The following GRM7 variants were observed in gnomAD, a reference collection of about 807,000 sequenced individuals.
The protein encoded by GRM7 is metabotropic glutamate receptor 7.
Under a neutral mutation model 84.5 loss-of-function variants are expected in GRM7, and 35 were observed. The observed-to-expected ratio is 0.41, with a 90% CI of 0.32 to 0.55. GRM7 has a LOEUF of 0.55. Ranked by LOEUF, GRM7 falls within the 20% of genes least tolerant of loss-of-function variation. GRM7 has a pLI of 0.19. For missense variants in GRM7, 1,003 were observed against 1,194.6 expected, an observed-to-expected ratio of 0.84 and a Z score of 2.36; for synonymous variants, 487 against 455.1, an observed-to-expected ratio of 1.07 and a Z score of -0.89.
At chr3:7,201,045 C>T (rs1326490330) in intron 2 of GRM7, among the ~76,000 whole-genome samples, 1 of 147,982 alleles carries the variant, frequency 6.8e-6, no homozygotes, top group Non-Finnish European at 1.5e-5. Flanking sequence ...TCTCGGCTCA[C>T]TGCAAACTCT....
chr3:7,065,408 A>T (rs1028969161), intron 1 of GRM7, among the ~76,000 whole-genome samples: 3 of 151,790 alleles, frequency 2.0e-5, no homozygotes, highest in Non-Finnish European at 4.4e-5. Flanking sequence ...TCCTGCATGT[A>T]GCTAGCCAAT....
chr3:6,938,508 T>C (rs944603935), intron 1 of GRM7, among the ~76,000 whole-genome samples: 1 of 152,168 alleles, frequency 6.6e-6, no homozygotes, highest in Non-Finnish European at 1.5e-5. Context: ...TTGAGCACCA[T>C]TAACGTGCAA....
chr3:7,323,534 G>A (rs1700866671), intron 4 of GRM7, among the ~76,000 whole-genome samples: 1 of 152,046 alleles, frequency 6.6e-6, no homozygotes, highest in South Asian at 2.1e-4. Context: ...CAATATAGTG[G>A]TTTCATCTGA....
intron 9 of GRM7, among the ~76,000 whole-genome samples, chr3:7,688,614 A>T (rs1700675456): frequency 6.6e-6 from 1 of 152,204 alleles, no homozygotes; most frequent in Non-Finnish European, 1.5e-5. Flanking sequence ...CAGTAATGGG[A>T]CTAGTAAACT....
chr3:7,437,613 T>A (rs1382913683), intron 5 of GRM7, among the ~76,000 whole-genome samples: 5 of 152,186 alleles, frequency 3.3e-5, no homozygotes, highest in African/African-American at 4.8e-5. Context: ...ATTTCTTTTT[T>A]TCTAAAATTG....
At chr3:7,085,547 A>T (rs749225036) in intron 1 of GRM7, among the ~76,000 whole-genome samples, 1 of 152,130 alleles carries the variant, frequency 6.6e-6, no homozygotes, top group Non-Finnish European at 1.5e-5. Context: ...ATATTGGCAA[A>T]CTAAGAAGGA....
chr3:7,330,226 C>G lies in GRM7; in HGVS notation c.1033+23574C>G, dbSNP rs189142153. ...TTAAGGCATCATCTTGATATGTTAG[C>G]AGCACAGACATGTTCAAGATATACT... On this transcript the variant is annotated intron_variant, in intron 4 of 9. Transcript: ENST00000357716. Among the ~76,000 whole-genome samples the G allele has an allele frequency of 3.3e-5, 5 of 152,198 alleles. No individual in the cohort carries two copies. The East Asian group carries it at 9.7e-4, about 29-fold the overall frequency.
intron 2 of GRM7, among the ~76,000 whole-genome samples, chr3:7,271,426 G>A (rs1698851336): frequency 6.6e-6 from 1 of 151,894 alleles, no homozygotes; most frequent in Non-Finnish European, 1.5e-5. Flanking sequence ...GGGCGTGGTG[G>A]CGGGCGCCTG....
intron 1 of GRM7, among the ~76,000 whole-genome samples, chr3:6,889,730 A>G (rs1244291854): frequency 3.3e-5 from 5 of 152,046 alleles, no homozygotes; most frequent in Non-Finnish European, 2.9e-5. Context: ...TTGGTATCAG[A>G]ATGATGCTGG....
At chr3:7,724,290 T>A (rs1194566405) in intron 9 of GRM7, among the ~76,000 whole-genome samples, 2 of 152,212 alleles carry the variant, frequency 1.3e-5, no homozygotes, top group Non-Finnish European at 2.9e-5. Context: ...CAACTCACCA[T>A]GCTTGAAACA....
chr3:7,660,136 A>G (rs1208371514), intron 8 of GRM7, among the ~76,000 whole-genome samples: 2 of 152,236 alleles, frequency 1.3e-5, no homozygotes, highest in Admixed American at 1.3e-4. Flanking sequence ...GTCTGAATGT[A>G]TCAGCCCTAG....
chr3:7,022,630 C>T (rs906055390), intron 1 of GRM7, among the ~76,000 whole-genome samples: 3 of 151,956 alleles, frequency 2.0e-5, no homozygotes, highest in Non-Finnish European at 4.4e-5. Flanking sequence ...TATATTTATA[C>T]TGTTGTAAAT....
At chr3:7,200,964 ATTTTTTTTTT>A (rs71625339) in intron 2 of GRM7, among the ~76,000 whole-genome samples, 1 of 98,162 alleles carries the variant, frequency 1.0e-5, no homozygotes, top group Non-Finnish European at 1.9e-5. Flanking sequence ...ACATTTCAGA[ATTTTTTTTTT>A]TTTTTTTTTT....
intron 1 of GRM7, among the ~76,000 whole-genome samples, chr3:6,995,212 C>T (rs1694788698): frequency 6.6e-6 from 1 of 152,150 alleles, no homozygotes; most frequent in Non-Finnish European, 1.5e-5. Flanking sequence ...GTAATAGTCA[C>T]CAGACTTTTT....
intron 7 of GRM7, among the ~76,000 whole-genome samples, chr3:7,496,655 T>C (rs1699713789): frequency 6.6e-6 from 1 of 152,162 alleles, no homozygotes; most frequent in Non-Finnish European, 1.5e-5. Flanking sequence ...TGTTGAAGTT[T>C]CTGATTTAGT....
chr3:7,447,080 G>A (rs888421813), intron 5 of GRM7, among the ~76,000 whole-genome samples: 3 of 151,966 alleles, frequency 2.0e-5, no homozygotes, highest in Non-Finnish European at 2.9e-5. Context: ...GAAGAAAATC[G>A]GGAGACGTGA....
At chr3:7,241,509 C>T (rs1031343292) in intron 2 of GRM7, among the ~76,000 whole-genome samples, 6 of 152,086 alleles carry the variant, frequency 3.9e-5, no homozygotes, top group African/African-American at 7.2e-5. Flanking sequence ...TCTGAGGTCA[C>T]GCCAGGAAAA....
chr3:7,357,641 G>T (rs1420941509), intron 4 of GRM7, among the ~76,000 whole-genome samples: 2 of 152,094 alleles, frequency 1.3e-5, no homozygotes, highest in Admixed American at 1.3e-4. Flanking sequence ...GACCCGAATA[G>T]CTTCCTGCAG....
intron 1 of GRM7, among the ~76,000 whole-genome samples, chr3:6,976,089 G>A (rs937870236): frequency 6.6e-6 from 1 of 152,042 alleles, no homozygotes; most frequent in Non-Finnish European, 1.5e-5. Context: ...TGAGCTTTCC[G>A]GTTTATTTAC....
Sources: gnomAD v4.1 joint callset for allele counts (sites outside exome capture counted in the v4.1 genomes callset) on GRCh38, gnomAD v4.1.1 for gene constraint, MANE v1.5 for transcripts, NCBI Gene and HGNC (gene_info 2026-07-23, HGNC 2026-07-21) for gene names.